The following ABLIM1 variants were observed in gnomAD, a reference collection of about 807,000 sequenced individuals.
ABLIM1 encodes the protein actin-binding LIM protein 1.
Under a neutral mutation model 107.0 loss-of-function variants are expected in ABLIM1, and 40 were observed. That is an observed-to-expected ratio of 0.37 (90% confidence interval 0.29 to 0.49). The LOEUF is 0.49. ABLIM1 is among the 20% of genes least tolerant of loss of function. The pLI, the probability that ABLIM1 is intolerant of heterozygous loss-of-function variation, is 0.97. For synonymous variants in ABLIM1, 357 were observed against 357.3 expected (o/e 1.00, Z 0.01); for missense variants, 857 against 1,008.5 (o/e 0.85, Z 2.04).
At chr10:114,786,802 T>C in the ABLIM1 span, among the ~76,000 whole-genome samples, 3 of 152,216 alleles carry the variant, frequency 2.0e-5, no homozygotes, top group Admixed American at 2.0e-4. Flanking sequence ...CAGTGCTCAA[T>C]GGTGCCCAGG....
intron 1 of ABLIM1, among the ~76,000 whole-genome samples, chr10:114,739,768 C>T (rs562148272): frequency 1.3e-5 from 2 of 152,104 alleles, no homozygotes; most frequent in African/African-American, 4.8e-5. Context: ...TTTCCCACTT[C>T]CATTCAGATG....
At chr10:114,692,872 A>G (rs1222505541) in intron 1 of ABLIM1, among the ~76,000 whole-genome samples, 1 of 152,240 alleles carries the variant, frequency 6.6e-6, no homozygotes, top group Non-Finnish European at 1.5e-5. Flanking sequence ...CCTGGGCAAC[A>G]GAGCAAGACT....
chr10:114,566,095 G>A (rs566475752), intron 4 of ABLIM1, among the ~76,000 whole-genome samples: 33 of 152,194 alleles, frequency 2.2e-4, no homozygotes, highest in African/African-American at 6.7e-4. Flanking sequence ...GCGCCCGGTC[G>A]AAATGATTTC....
intron 1 of ABLIM1, among the ~76,000 whole-genome samples, chr10:114,637,842 A>G (rs559003029): frequency 1.3e-5 from 2 of 152,234 alleles, no homozygotes; most frequent in Non-Finnish European, 2.9e-5. Flanking sequence ...AGTTCTCTGA[A>G]TTATTTGGGA....
At chr10:114,754,633 T>G (rs1208737274) in intron 1 of ABLIM1, among the ~76,000 whole-genome samples, 1 of 152,210 alleles carries the variant, frequency 6.6e-6, no homozygotes, top group East Asian at 1.9e-4. Flanking sequence ...GGCTCTGATG[T>G]AATCAAAGGA....
intron 6 of ABLIM1, among the ~76,000 whole-genome samples, chr10:114,519,215 G>T (rs1309635774): frequency 6.6e-6 from 1 of 152,138 alleles, no homozygotes; most frequent in African/African-American, 2.4e-5. Context: ...TGTGTTCCTA[G>T]GAAAATCACT....
At chr10:114,717,991 AAAGGAAGGAAGG>A (rs3061776) in intron 1 of ABLIM1, among the ~76,000 whole-genome samples, 1,971 of 86,730 alleles carry the variant, frequency 0.023, 33 homozygotes, top group Middle Eastern at 0.14. Context: ...AGAAAGAAAG[AAAGGAAGGAAGG>A]AAGGAAGGAA....
intron 6 of ABLIM1, among the ~76,000 whole-genome samples, chr10:114,524,039 C>G (rs1250969390): frequency 6.6e-6 from 1 of 152,178 alleles, no homozygotes; most frequent in Non-Finnish European, 1.5e-5. Context: ...GAAACCACAG[C>G]TCTCTGATAA....
intron 1 of ABLIM1, among the ~76,000 whole-genome samples, chr10:114,651,544 T>C (rs945637148): frequency 1.4e-4 from 21 of 152,156 alleles, no homozygotes; most frequent in African/African-American, 4.8e-4. Context: ...AGAAGACTGA[T>C]GCGGGTGTTT....
At chr10:114,465,871 G>C in intron 11 of ABLIM1, 44 bp from the exon 12 acceptor site, 1 of 1,603,548 alleles carries the variant, frequency 6.2e-7, no homozygotes, top group Non-Finnish European at 8.5e-7. Context: ...CCATGCCTCA[G>C]TAGGAACCAC....
chr10:114,675,417 G>A (rs1176898175), intron 1 of ABLIM1, among the ~76,000 whole-genome samples: 1 of 152,134 alleles, frequency 6.6e-6, no homozygotes, highest in African/African-American at 2.4e-5. Flanking sequence ...GTTTTATAAA[G>A]GGCAGTTCTC....
intron 2 of ABLIM1, among the ~76,000 whole-genome samples, chr10:114,584,507 AAGT>A (rs1435994820): frequency 6.6e-6 from 1 of 152,114 alleles, no homozygotes; most frequent in East Asian, 1.9e-4. Context: ...GTGTAGCTGA[AAGT>A]ACCACACACG....
At chr10:114,474,565 A>G (rs1221024842) in intron 8 of ABLIM1, among the ~76,000 whole-genome samples, 1 of 152,034 alleles carries the variant, frequency 6.6e-6, no homozygotes, top group Non-Finnish European at 1.5e-5. Context: ...TATTTTTAGT[A>G]GAGACAGGGT....
intron 1 of ABLIM1, among the ~76,000 whole-genome samples, chr10:114,759,103 A>G (rs1840572726): frequency 6.6e-6 from 1 of 152,174 alleles, no homozygotes; most frequent in South Asian, 2.1e-4. Context: ...TCCTGCTTTC[A>G]TGTTTATTTT....
intron 1 of ABLIM1, among the ~76,000 whole-genome samples, chr10:114,674,151 G>T (rs2080378244): frequency 1.3e-5 from 2 of 152,014 alleles, no homozygotes; most frequent in African/African-American, 4.8e-5. Context: ...TCAGCCAGGT[G>T]TGGTGGCATG....
chr10:114,465,909 C>T, intron 11 of ABLIM1, 82 bp from the exon 12 acceptor site: 1 of 1,470,710 alleles, frequency 6.8e-7, no homozygotes, highest in East Asian at 2.3e-5. Flanking sequence ...AAGGAACCAT[C>T]ATGTCTACTT....
At position 114,674,493 on chromosome 10, in the gene ABLIM1, A is replaced by G. The variant is rs531132646; in HGVS notation, c.64+9797T>C. On this transcript the variant is annotated intron_variant, in intron 1 of 23. Coordinates refer to the ABLIM1 transcript ENST00000369256. ...AAGTTCTGCAGTCAGAGTTGGGTTC[A>G]AGCTCTGGCTCCGCTATTTACCACG... is the stretch of plus-strand genomic sequence containing the variant. Among the ~76,000 whole-genome samples the G allele has an allele frequency of 1.1e-4, 16 of 152,288 alleles. 1 individual carries two copies. In the East Asian group the frequency reaches 3.1e-3, roughly 29 times the overall value.
intron 1 of ABLIM1, among the ~76,000 whole-genome samples, chr10:114,727,184 T>C (rs2081978121): frequency 6.6e-6 from 1 of 152,198 alleles, no homozygotes; most frequent in Non-Finnish European, 1.5e-5. Flanking sequence ...GATAAATGTA[T>C]GGTGTCACCT....
At chr10:114,455,843 CG>C (rs1483009396) in intron 12 of ABLIM1, among the ~76,000 whole-genome samples, 2 of 146,902 alleles carry the variant, frequency 1.4e-5, no homozygotes, top group African/African-American at 5.0e-5. Context: ...GACGGAGTCT[CG>C]CTCTGTCGCC....
Sources: gnomAD v4.1 joint callset for allele counts (sites outside exome capture counted in the v4.1 genomes callset) on GRCh38, gnomAD v4.1.1 for gene constraint, MANE v1.5 for transcripts, NCBI Gene and HGNC (gene_info 2026-07-23, HGNC 2026-07-21) for gene names.